ACACA: variants seen among roughly 807,000 people sequenced by gnomAD.
ACACA encodes acetyl-CoA carboxylase 1.
In ACACA, 103 loss-of-function variants were observed where a neutral mutation model predicts 296.1. The observed-to-expected ratio is 0.35, with a 90% CI of 0.30 to 0.41. ACACA has a LOEUF of 0.41. ACACA is among the 10% of genes least tolerant of loss of function. The pLI is 1.00. For missense variants in ACACA, 1,554 were observed against 2,989.7 expected, an observed-to-expected ratio of 0.52 and a Z score of 11.20; for synonymous variants, 953 against 1,038.6, an observed-to-expected ratio of 0.92 and a Z score of 1.58.
intron 3 of ACACA, among the ~76,000 whole-genome samples, chr17:37,320,237 C>A (rs900839205): frequency 6.6e-6 from 1 of 152,160 alleles, no homozygotes; most frequent in Non-Finnish European, 1.5e-5. Context: ...AAGGCCTGGG[C>A]GCAGTGGCTC....
intron 1 of ACACA, among the ~76,000 whole-genome samples, chr17:37,381,133 C>T (rs1322791460): frequency 1.3e-5 from 2 of 151,880 alleles, no homozygotes; most frequent in Non-Finnish European, 2.9e-5. Context: ...CACTGTTCTG[C>T]CCCTTGCTTT....
chr17:37,376,024 G>A (rs913265179), intron 1 of ACACA: 153 of 1,367,794 alleles, frequency 1.1e-4, no homozygotes, highest in Non-Finnish European at 1.6e-4. Flanking sequence ...AGCAACTAGA[G>A]GCAGAGCTAT....
At chr17:37,111,686 C>A (rs561832381) in intron 51 of ACACA, 43 bp from the exon 52 acceptor site, 7 of 1,450,920 alleles carry the variant, frequency 4.8e-6, no homozygotes, top group Non-Finnish European at 6.8e-6. Flanking sequence ...AATAGAGGCA[C>A]TTTAAAGGAA....
chr17:37,189,437 A>G (rs1241974899), intron 38 of ACACA, among the ~76,000 whole-genome samples: 3 of 152,226 alleles, frequency 2.0e-5, no homozygotes, highest in African/African-American at 7.2e-5. Context: ...TTAAGTTAGA[A>G]TGAATTTCAG....
At chr17:37,308,894 G>A (rs915444827) in intron 3 of ACACA, among the ~76,000 whole-genome samples, 1 of 152,046 alleles carries the variant, frequency 6.6e-6, no homozygotes, top group Non-Finnish European at 1.5e-5. Flanking sequence ...CCAAGATTGC[G>A]CTACTGCCCT....
chr17:37,192,025 T>C (rs542197930), intron 37 of ACACA, 65 bp downstream of exon 37: 1 of 1,515,686 alleles, frequency 6.6e-7, no homozygotes, highest in South Asian at 1.1e-5. Context: ...TACCTAATTT[T>C]GAATCATATC....
intron 1 of ACACA, among the ~76,000 whole-genome samples, chr17:37,401,157 T>A (rs1263698491): frequency 6.6e-6 from 1 of 152,078 alleles, no homozygotes; most frequent in African/African-American, 2.4e-5. Flanking sequence ...TTTTTTCACA[T>A]ACCAGTTAGC....
chr17:37,157,634 A>G (rs569102727), intron 42 of ACACA, among the ~76,000 whole-genome samples: 7 of 143,368 alleles, frequency 4.9e-5, no homozygotes, highest in African/African-American at 1.9e-4. Context: ...CTCCTGGGCT[A>G]AAGTAATTCT....
intron 51 of ACACA, 39 bp from the exon 52 acceptor site, chr17:37,111,682 G>T (rs776557750): frequency 6.7e-7 from 1 of 1,489,044 alleles, no homozygotes; most frequent in East Asian, 2.3e-5. Context: ...CAGAAATAGA[G>T]GCACTTTAAA....
intron 14 of ACACA, among the ~76,000 whole-genome samples, chr17:37,255,999 G>C (rs550995929): frequency 6.6e-6 from 1 of 152,068 alleles, no homozygotes; most frequent in East Asian, 1.9e-4. Context: ...TGCCAGCCTC[G>C]GTCTCCCAAA....
intron 35 of ACACA, among the ~76,000 whole-genome samples, chr17:37,194,530 A>C (rs2077902557): frequency 1.3e-5 from 2 of 152,150 alleles, no homozygotes; most frequent in Non-Finnish European, 2.9e-5. Flanking sequence ...CTGATCTCTC[A>C]AGGGCAGAGT....
intron 2 of ACACA, among the ~76,000 whole-genome samples, chr17:37,334,143 A>T (rs1391875419): frequency 6.6e-6 from 1 of 152,052 alleles, no homozygotes; most frequent in Non-Finnish European, 1.5e-5. Context: ...CTAATCCAGG[A>T]AACCCACCTC....
intron 3 of ACACA, among the ~76,000 whole-genome samples, chr17:37,323,454 G>T (rs1358227690): frequency 1.3e-5 from 2 of 152,212 alleles, no homozygotes; most frequent in Non-Finnish European, 2.9e-5. Flanking sequence ...AATTAGCTCA[G>T]CACGGTGGTG....
At chr17:37,182,839 T>C (rs978653141) in intron 39 of ACACA, among the ~76,000 whole-genome samples, 2 of 152,206 alleles carry the variant, frequency 1.3e-5, no homozygotes, top group Admixed American at 1.3e-4. Flanking sequence ...CCTTAGCCCC[T>C]TAGCTCAGAG....
rs188898277 is a variant in ACACA at position 37,085,548 on chromosome 17, C to T, written c.*1768G>A. On this transcript the variant is annotated 3_prime_UTR_variant, in exon 56 of 56. Coordinates refer to ENST00000616317, the MANE Select transcript of ACACA (RefSeq NM_198834.3). Reference sequence around the variant, plus strand: ...TCTTACTAGGTAAGCAAATAGCCAGCAATGGTCAATGCATTTTCCTGGACT... The same window carrying T: ...TCTTACTAGGTAAGCAAATAGCCAGTAATGGTCAATGCATTTTCCTGGACT... 2.5e-4 allele frequency: 100 copies of T among 398,584 alleles called. No individual in the cohort carries two copies. The highest frequency in any genetic ancestry group is 1.9e-3 in the African/African-American group (93 of 48,740). The allele number at this position is 398,584 out of a possible 1,614,324, so 24.7% of individuals were successfully genotyped here.
intron 1 of ACACA, among the ~76,000 whole-genome samples, chr17:37,344,151 A>G (rs1013625873): frequency 6.6e-6 from 1 of 152,148 alleles, no homozygotes; most frequent in African/African-American, 2.4e-5. Context: ...CCTCTAGGCC[A>G]GGTGTGGTGG....
At chr17:37,341,549 G>A (rs1216690346) in intron 1 of ACACA, among the ~76,000 whole-genome samples, 1 of 151,966 alleles carries the variant, frequency 6.6e-6, no homozygotes, top group Non-Finnish European at 1.5e-5. Context: ...AATTAGCCAG[G>A]TGTGGTGGTG....
chr17:37,300,045 G>C (rs1487190281), intron 3 of ACACA, among the ~76,000 whole-genome samples: 1 of 152,180 alleles, frequency 6.6e-6, no homozygotes, highest in African/African-American at 2.4e-5. Context: ...TCAGGCCAAA[G>C]TAGTGGTATA....
chr17:37,230,924 C>T (rs994785678), intron 25 of ACACA, among the ~76,000 whole-genome samples: 1 of 152,230 alleles, frequency 6.6e-6, no homozygotes, highest in African/African-American at 2.4e-5. Context: ...AAGGTCTGTT[C>T]CAACTGTCCA....
Sources: gnomAD v4.1 joint callset for allele counts (sites outside exome capture counted in the v4.1 genomes callset) on GRCh38, gnomAD v4.1.1 for gene constraint, MANE v1.5 for transcripts, NCBI Gene and HGNC (gene_info 2026-07-23, HGNC 2026-07-21) for gene names.